Variants in FLT3 observed in about 807,000 individuals in gnomAD.
FLT3 encodes the protein receptor-type tyrosine-protein kinase FLT3.
FLT3 carries 46 observed loss-of-function variants against 126.6 expected under a neutral mutation model. The ratio of observed to expected loss-of-function variants is 0.36; its 90% CI spans 0.29 to 0.46. The LOEUF (loss-of-function observed/expected upper bound fraction) is 0.46, where lower values mean the gene tolerates loss of function less well. Ranked by LOEUF, FLT3 falls within the 20% of genes least tolerant of loss-of-function variation. The pLI is 1.00. For missense variants in FLT3, 1,069 were observed against 1,190.3 expected (o/e 0.90, Z 1.50); for synonymous variants, 404 against 434.4 (o/e 0.93, Z 0.87).
At chr13:28,048,223 A>G in intron 9 of FLT3, 52 bp downstream of exon 9, 1 of 1,460,492 alleles carries the variant, frequency 6.8e-7, no homozygotes, top group Non-Finnish European at 9.4e-7. Context: ...AAGGGCGACA[A>G]GCAAGGAGAA....
chr13:28,055,107 A>C (rs944411641), intron 4 of FLT3, among the ~76,000 whole-genome samples: 1 of 152,160 alleles, frequency 6.6e-6, no homozygotes, highest in Non-Finnish European at 1.5e-5. Flanking sequence ...GGTTCTTATC[A>C]TATCCTCTAG....
intron 19 of FLT3, among the ~76,000 whole-genome samples, chr13:28,022,234 G>A (rs937070372): frequency 9.9e-5 from 15 of 152,134 alleles, no homozygotes; most frequent in Non-Finnish European, 1.9e-4. Flanking sequence ...AAAAAAGGCC[G>A]AGTGTGGTGG....
intron 3 of FLT3, among the ~76,000 whole-genome samples, chr13:28,061,613 T>C (rs1200231564): frequency 6.6e-6 from 1 of 151,154 alleles, no homozygotes; most frequent in Non-Finnish European, 1.5e-5. Context: ...TAGAAAAAAT[T>C]TAAAAAATTA....
chr13:28,048,274 C>A lies in FLT3; in HGVS notation c.1205+1G>T. 6.2e-7 allele frequency: 1 copy of A among 1,612,500 alleles called. No homozygotes were observed. The highest frequency in any genetic ancestry group is 8.5e-7 in the Non-Finnish European group (1 of 1,179,018). ...TATCTTAGAGTCCTTTGTGGTCTCA[C>A]CTGTATCCGTTATCAAGACCCTTTT... On this transcript the variant is annotated splice_donor_variant, in intron 9 of 23. Coordinates refer to ENST00000241453, the MANE Select transcript of FLT3 (RefSeq NM_004119.3). LOFTEE classifies it high-confidence loss of function.
intron 1 of FLT3, among the ~76,000 whole-genome samples, chr13:28,098,952 G>C (rs1879647366): frequency 6.6e-6 from 1 of 152,194 alleles, no homozygotes; most frequent in South Asian, 2.1e-4. Context: ...GCTACCTGGG[G>C]AGGGGGTACT....
At chr13:28,082,156 A>C (rs965710461) in intron 1 of FLT3, among the ~76,000 whole-genome samples, 1 of 146,734 alleles carries the variant, frequency 6.8e-6, no homozygotes, top group African/African-American at 2.5e-5. Context: ...GCACCGGCCT[A>C]CTTTGATTCT....
intron 5 of FLT3, among the ~76,000 whole-genome samples, chr13:28,051,128 C>T (rs1875416617): frequency 6.6e-6 from 1 of 152,222 alleles, no homozygotes; most frequent in African/African-American, 2.4e-5. Context: ...CAAACCCAGG[C>T]TATCTGGCTC....
chr13:28,015,457 G>A, intron 21 of FLT3, 133 bp downstream of exon 21: 1 of 504,664 alleles, frequency 2.0e-6, no homozygotes, highest in South Asian at 1.8e-5. Flanking sequence ...AAGGACACCA[G>A]CAAATAAACA....
In FLT3 at chr13:28,088,864, G is replaced by A. The variant is rs942365882; in HGVS notation, c.43+11604C>T. 4.1e-5 allele frequency among the ~76,000 whole-genome samples: 6 copies of A among 146,600 alleles called. No homozygotes were observed. The East Asian group carries it at 5.8e-4, about 14-fold the overall frequency. On this transcript the variant is annotated intron_variant, in intron 1 of 23. Transcript: ENST00000241453. ...CTCCCAAAGTGCTGGGATTACAAGC[G>A]TGAGCTGCCCACCCAGCCCAGAAAA...
chr13:28,015,157 A>T lies in FLT3; in HGVS notation c.2753T>A (p.Ile918Lys). Residue 918 changes from isoleucine to lysine, a missense_variant and splice_region_variant, in exon 22 of 24, where the codon ATA becomes AAA. Coordinates refer to ENST00000241453, the MANE Select transcript of FLT3 (RefSeq NM_004119.3). ...MDQPFYATEE[I>K]YIIMQSCWAF... ...AAATTACAGTCTGACTTGAACTTAC[A>T]TTTCTTCTGTAGCATAAAATGGCTG... 1.3e-6 allele frequency: 2 copies of T among 1,567,666 alleles called. No individual in the cohort carries two copies. The highest frequency in any genetic ancestry group is 1.8e-6 in the Non-Finnish European group (2 of 1,138,658).
intron 5 of FLT3, among the ~76,000 whole-genome samples, chr13:28,050,944 A>G (rs1273414994): frequency 6.6e-6 from 1 of 152,192 alleles, no homozygotes; most frequent in African/African-American, 2.4e-5. Flanking sequence ...CTATGTAAAC[A>G]TTTATACCTT....
At chr13:28,040,246 TAGG>T (rs1213466887) in intron 9 of FLT3, among the ~76,000 whole-genome samples, 1 of 152,082 alleles carries the variant, frequency 6.6e-6, no homozygotes, top group Non-Finnish European at 1.5e-5. Flanking sequence ...GTTTCTGTGA[TAGG>T]AGAAGTAAAA....
chr13:28,056,603 G>A (rs770180572), intron 4 of FLT3, among the ~76,000 whole-genome samples: 4 of 152,166 alleles, frequency 2.6e-5, no homozygotes, highest in Admixed American at 6.5e-5. Context: ...GAAAGCACAC[G>A]CAGGTGGTGC....
At chr13:28,023,576 G>C in intron 18 of FLT3, 99 bp from the exon 19 acceptor site, 1 of 1,291,854 alleles carries the variant, frequency 7.7e-7, no homozygotes, top group South Asian at 1.3e-5. Context: ...TAGGTGAGGT[G>C]CTAAGACATG....
chr13:28,047,711 CAAAAA>C (rs56745762), intron 9 of FLT3, among the ~76,000 whole-genome samples: 8 of 108,582 alleles, frequency 7.4e-5, no homozygotes, highest in Non-Finnish European at 1.1e-4. Flanking sequence ...GACCTCATCT[CAAAAA>C]AAAAAAAAAA....
chr13:28,038,985 T>C (rs960997284), intron 9 of FLT3, among the ~76,000 whole-genome samples: 1 of 152,002 alleles, frequency 6.6e-6, no homozygotes, highest in African/African-American at 2.4e-5. Flanking sequence ...CAGAGGTCTG[T>C]GTCGGTGGGA....
At chr13:28,017,664 T>TG (rs1491166726) in intron 20 of FLT3, among the ~76,000 whole-genome samples, 7 of 134,820 alleles carry the variant, frequency 5.2e-5, no homozygotes, top group African/African-American at 1.9e-4. Context: ...TTTTTGTTGT[T>TG]GTTTTTTTTT....
chr13:28,044,712 T>A (rs1463963898), intron 9 of FLT3, among the ~76,000 whole-genome samples: 1 of 152,174 alleles, frequency 6.6e-6, no homozygotes, highest in Non-Finnish European at 1.5e-5. Flanking sequence ...GTACCAACAA[T>A]GCACATCATT....
At chr13:28,015,467 A>G (rs1227309065) in intron 21 of FLT3, 123 bp downstream of exon 21, 15 of 619,806 alleles carry the variant, frequency 2.4e-5, no homozygotes, top group Non-Finnish European at 3.7e-5. Flanking sequence ...GCAAATAAAC[A>G]TAAAGTCATG....
Sources: gnomAD v4.1 joint callset for allele counts (sites outside exome capture counted in the v4.1 genomes callset) on GRCh38, gnomAD v4.1.1 for gene constraint, MANE v1.5 for transcripts, NCBI Gene and HGNC (gene_info 2026-07-23, HGNC 2026-07-21) for gene names.